Variants in SEZ6L observed in about 807,000 individuals in gnomAD.
SEZ6L encodes the protein seizure 6-like protein.
A neutral mutation model predicts 106.2 loss-of-function variants in SEZ6L; 37 were observed. The ratio of observed to expected loss-of-function variants is 0.35; its 90% CI spans 0.27 to 0.46. The LOEUF (loss-of-function observed/expected upper bound fraction) is 0.46, where lower values mean the gene tolerates loss of function less well. Among genes scored for constraint, SEZ6L ranks in the 20% least tolerant of loss-of-function variants. SEZ6L has a pLI of 1.00. For missense variants in SEZ6L, 1,172 were observed against 1,332.8 expected (o/e 0.88, Z 1.88); for synonymous variants, 541 against 570.4 (o/e 0.95, Z 0.73).
intron 1 of SEZ6L, among the ~76,000 whole-genome samples, chr22:26,271,734 A>G (rs920080440): frequency 1.3e-5 from 2 of 152,202 alleles, no homozygotes; most frequent in African/African-American, 4.8e-5. Context: ...AGCCCAGCAG[A>G]TGCTGGCACC....
chr22:26,204,488 G>A (rs1364440635), intron 1 of SEZ6L, among the ~76,000 whole-genome samples: 1 of 152,216 alleles, frequency 6.6e-6, no homozygotes, highest in South Asian at 2.1e-4. Flanking sequence ...TACAGATAAG[G>A]AAGCTGAGGC....
At chr22:26,288,424 C>T (rs1030976110) in intron 1 of SEZ6L, among the ~76,000 whole-genome samples, 17 of 152,066 alleles carry the variant, frequency 1.1e-4, no homozygotes, top group African/African-American at 3.9e-4. Flanking sequence ...ACACTCTAGC[C>T]CACCCAGCAG....
At chr22:26,259,152 A>G (rs190045567) in intron 1 of SEZ6L, among the ~76,000 whole-genome samples, 265 of 152,362 alleles carry the variant, frequency 1.7e-3, no homozygotes, top group African/African-American at 6.2e-3. Flanking sequence ...CTACCACAAT[A>G]GCTGAAAAGA....
chr22:26,335,895 T>C (rs1196748849), intron 9 of SEZ6L, among the ~76,000 whole-genome samples: 1 of 152,160 alleles, frequency 6.6e-6, no homozygotes, highest in Non-Finnish European at 1.5e-5. Context: ...CCCTCCTCAC[T>C]AGGCTTAATG....
At chr22:26,338,380 T>C (rs600234) in intron 9 of SEZ6L, among the ~76,000 whole-genome samples, 121,126 of 152,120 alleles carry the variant, frequency 0.8, 48,634 homozygotes, top group Non-Finnish European at 0.82. Context: ...CTTCTCCCCA[T>C]CATTCATTGT....
chr22:26,365,646 C>A, intron 13 of SEZ6L, 80 bp downstream of exon 13: 1 of 1,364,380 alleles, frequency 7.3e-7, no homozygotes, highest in Non-Finnish European at 1.0e-6. Context: ...TCTGAACTTG[C>A]TCTAAAAAAT....
chr22:26,368,872 C>T (rs1370434298), intron 13 of SEZ6L, among the ~76,000 whole-genome samples: 2 of 152,108 alleles, frequency 1.3e-5, no homozygotes, highest in African/African-American at 4.8e-5. Flanking sequence ...GTGATTTTCC[C>T]AAAGCCACAC....
chr22:26,316,385 CCT>C (rs2081997353), intron 9 of SEZ6L, among the ~76,000 whole-genome samples: 1 of 152,164 alleles, frequency 6.6e-6, no homozygotes, highest in African/African-American at 2.4e-5. Flanking sequence ...ACCCTGCATG[CCT>C]AGCAGGTGAG....
At position 26,294,839 on chromosome 22, in the gene SEZ6L, C is replaced by T. The variant is rs142392674; in HGVS notation, c.969+414C>T. ...TTTCTCTTTCTTTCTTGCTTGCTTG[C>T]TTGCTTCCTGCTTTCTTGCTTCTTT... On this transcript the variant is annotated intron_variant, in intron 3 of 16. Coordinates refer to ENST00000248933, the MANE Select transcript of SEZ6L (RefSeq NM_021115.5). Among the ~76,000 whole-genome samples the T allele has an allele frequency of 4.2e-3, 628 of 150,690 alleles. 14 individuals are homozygous for T. Among genetic ancestry groups the T allele is most frequent in the Admixed American group, 8.1e-3 (123 of 15,094 alleles).
At position 26,169,676 on chromosome 22, in the gene SEZ6L, G is replaced by A; in HGVS notation, c.7G>A (p.Ala3Thr). 7.6e-7 allele frequency: 1 copy of A among 1,311,074 alleles called. No individual in the cohort carries two copies. 81.2% of individuals were successfully genotyped at this position (1,311,074 alleles called of 1,614,324 possible). MP[A>T]ARPPAAGLRG... ...CGCGCCCCCTGCAGCCACGATGCCCGCGGCCCGGCCGCCCGCCGCGGGACT... is the reference window on the plus strand; with the variant it reads ...CGCGCCCCCTGCAGCCACGATGCCCACGGCCCGGCCGCCCGCCGCGGGACT... Residue 3 changes from alanine to threonine, a missense_variant, in exon 1 of 17, where the codon GCG becomes ACG. Transcript: ENST00000248933.
chr22:26,185,330 C>T (rs565233604), intron 1 of SEZ6L, among the ~76,000 whole-genome samples: 2 of 152,288 alleles, frequency 1.3e-5, no homozygotes, highest in East Asian at 3.9e-4. Flanking sequence ...AAAGACCACC[C>T]AGTGAGAGTC....
At chr22:26,230,222 CATGAGA>C (rs1422257052) in intron 1 of SEZ6L, among the ~76,000 whole-genome samples, 1 of 151,978 alleles carries the variant, frequency 6.6e-6, no homozygotes, top group African/African-American at 2.4e-5. Context: ...CTAGCAGGGC[CATGAGA>C]ACCATCTCAT....
chr22:26,201,680 G>A (rs1940971661), intron 1 of SEZ6L, among the ~76,000 whole-genome samples: 1 of 152,174 alleles, frequency 6.6e-6, no homozygotes, highest in Non-Finnish European at 1.5e-5. Context: ...TACTACCACT[G>A]CTTGTGACAA....
chr22:26,261,445 C>T (rs766186187), intron 1 of SEZ6L, among the ~76,000 whole-genome samples: 3 of 152,210 alleles, frequency 2.0e-5, no homozygotes, highest in Non-Finnish European at 2.9e-5. Flanking sequence ...CATTCTCCTA[C>T]ATGTGACTTG....
At chr22:26,302,148 T>C (rs1286098787) in intron 5 of SEZ6L, among the ~76,000 whole-genome samples, 2 of 152,184 alleles carry the variant, frequency 1.3e-5, no homozygotes, top group Non-Finnish European at 2.9e-5. Flanking sequence ...GTGGCGAACT[T>C]AGTCCAGATC....
intron 2 of SEZ6L, among the ~76,000 whole-genome samples, chr22:26,293,669 C>T (rs688034): frequency 0.23 from 35,413 of 152,126 alleles, 5,129 homozygotes; most frequent in Non-Finnish European, 0.33. Context: ...ACCCTGAGAC[C>T]CCCAAGCAAC....
At chr22:26,357,343 C>T (rs1425655444) in intron 12 of SEZ6L, among the ~76,000 whole-genome samples, 1 of 152,154 alleles carries the variant, frequency 6.6e-6, no homozygotes, top group Admixed American at 6.5e-5. Flanking sequence ...GCACTAGCCC[C>T]TGGAAAAACA....
chr22:26,270,943 T>G (rs767778286), intron 1 of SEZ6L, among the ~76,000 whole-genome samples: 4 of 152,170 alleles, frequency 2.6e-5, no homozygotes, highest in Non-Finnish European at 5.9e-5. Context: ...GAGGAAGCTG[T>G]GAGAAGCAAT....
At chr22:26,245,479 G>A (rs556681627) in intron 1 of SEZ6L, among the ~76,000 whole-genome samples, 1 of 152,082 alleles carries the variant, frequency 6.6e-6, no homozygotes, top group African/African-American at 2.4e-5. Flanking sequence ...TCCCCATTTG[G>A]CATGCATTTT....
Sources: gnomAD v4.1 joint callset for allele counts (sites outside exome capture counted in the v4.1 genomes callset) on GRCh38, gnomAD v4.1.1 for gene constraint, MANE v1.5 for transcripts, NCBI Gene and HGNC (gene_info 2026-07-23, HGNC 2026-07-21) for gene names.